Variants in CYP3A43 observed in about 807,000 individuals in gnomAD.
CYP3A43 encodes the protein cytochrome P450 family 3 subfamily A member 43.
CYP3A43 carries 45 observed loss-of-function variants against 58.0 expected under a neutral mutation model. The ratio of observed to expected loss-of-function variants is 0.78; its 90% CI spans 0.61 to 0.99. CYP3A43 has a LOEUF of 0.99. CYP3A43 is among the 50% of genes least tolerant of loss of function. The probability of loss-of-function intolerance (pLI) is 0.00; values close to 1 mark genes in which losing one functional copy is unlikely to be tolerated. For synonymous variants in CYP3A43, 191 were observed against 201.4 expected, an observed-to-expected ratio of 0.95 and a Z score of 0.44; for missense variants, 593 against 591.9, an observed-to-expected ratio of 1.00 and a Z score of -0.02.
rs1462337918 is a variant in CYP3A43 at position 99,828,205 on chromosome 7, A to G, written c.71+19A>G. 15 of 1,571,278 alleles carry G rather than the reference A, an allele frequency of 9.5e-6. No individual in the cohort carries two copies. The highest frequency in any genetic ancestry group is 1.4e-5 in the African/African-American group (1 of 74,034). On this transcript the variant is annotated intron_variant, in intron 1 of 12. Coordinates refer to ENST00000354829, the MANE Select transcript of CYP3A43 (RefSeq NM_057095.3). ...TCTATATGTGAGTAACTATGCAGGC[A>G]TGTTTGCTCTTAACTCTAAGACCTG...
In CYP3A43 at chr7:99,845,005, G is replaced by C. The variant is rs1485698858; in HGVS notation, c.318+763G>C. On this transcript the variant is annotated intron_variant, in intron 4 of 12. Transcript: ENST00000354829. Reference sequence around the variant, plus strand: ...AATCGCTTGAACCCGGGAGGCAGAGGTTGCAGTGAGCCAAGATTGCGCCAT... The same window carrying C: ...AATCGCTTGAACCCGGGAGGCAGAGCTTGCAGTGAGCCAAGATTGCGCCAT... 2.0e-5 allele frequency among the ~76,000 whole-genome samples: 3 copies of C among 150,920 alleles called. No homozygotes were observed. In the East Asian group the frequency reaches 5.9e-4, roughly 30 times the overall value.
At chr7:99,842,694 A>G (rs967460934) in intron 3 of CYP3A43, among the ~76,000 whole-genome samples, 3 of 152,250 alleles carry the variant, frequency 2.0e-5, no homozygotes, top group Non-Finnish European at 4.4e-5. Flanking sequence ...AAACTGAGTC[A>G]TGCAATACTG....
At chr7:99,855,823 G>C in intron 8 of CYP3A43, 105 bp downstream of exon 8, 1 of 1,294,940 alleles carries the variant, frequency 7.7e-7, no homozygotes, top group Non-Finnish European at 1.1e-6. Flanking sequence ...AAGGCAGCTA[G>C]AGAACTTTAG....
At chr7:99,835,854 C>T (rs888179540) in intron 1 of CYP3A43, among the ~76,000 whole-genome samples, 5 of 152,190 alleles carry the variant, frequency 3.3e-5, no homozygotes, top group Non-Finnish European at 7.3e-5. Context: ...GCAAACCTTC[C>T]TCTGGGCATA....
chr7:99,862,015 C>A (rs1005879144), intron 11 of CYP3A43, among the ~76,000 whole-genome samples, 176 bp downstream of exon 11: 1 of 152,174 alleles, frequency 6.6e-6, no homozygotes, highest in Non-Finnish European at 1.5e-5. Context: ...CACCTTATAA[C>A]AACCCTCATT....
At chr7:99,829,681 T>A (rs1339884092) in intron 1 of CYP3A43, among the ~76,000 whole-genome samples, 1 of 152,214 alleles carries the variant, frequency 6.6e-6, no homozygotes, top group Non-Finnish European at 1.5e-5. Flanking sequence ...GAAACTAGTC[T>A]GCTAAATGAT....
At chr7:99,838,800 T>C (rs771981845) in intron 2 of CYP3A43, 13 of 590,394 alleles carry the variant, frequency 2.2e-5, no homozygotes, top group Non-Finnish European at 3.4e-5. Flanking sequence ...GCCAACATGG[T>C]GAAACCCTAT....
rs901500658 is a variant in CYP3A43, at chr7:99,847,939, A to C, written c.433-227A>C. The stretch of plus-strand genomic sequence containing the variant: ...AGGCAGAAGAATTGTTTGAATCTAG[A>C]GGCGGAGGTTGCAATGAGCCAAGAT... On this transcript the variant is annotated intron_variant, in intron 5 of 12. Transcript: ENST00000354829. 3 of 561,748 alleles carry C rather than the reference A, an allele frequency of 5.3e-6. No homozygotes were observed. In the African/African-American group the frequency reaches 5.7e-5, roughly 11 times the overall value. The allele number at this position is 561,748 out of a possible 1,614,324, so 34.8% of individuals were successfully genotyped here. A position where few individuals can be genotyped will look rare whatever the true frequency, so the allele number is the denominator to read the frequency against.
rs767831799 is a variant in CYP3A43 at position 99,863,646 on chromosome 7, G to A, written c.1363G>A (p.Ala455Thr). The A allele has an allele frequency of 9.3e-6, 15 of 1,613,800 alleles. No individual in the cohort carries two copies. The South Asian group carries it at 1.6e-4, about 18-fold the overall frequency. The change falls in exon 12 of 13, where the codon GCT becomes ACT. Residue 455 changes from alanine to threonine, a missense_variant. By Grantham distance (58) the Ala-to-Thr change is moderately conservative (BLOSUM62 0). Coordinates refer to ENST00000354829, the MANE Select transcript of CYP3A43 (RefSeq NM_057095.3). ...GTTTGCTCTCACAAACATAAAACTT[G>A]CTGTCATTAGAGCACTGCAGAACTT... Reference protein sequence around the residue: ...MRFALTNIKLAVIRALQNFSF... With the variant: ...MRFALTNIKLTVIRALQNFSF...
chr7:99,855,374 A>G (rs1471498598), intron 7 of CYP3A43: 3 of 481,868 alleles, frequency 6.2e-6, no homozygotes, highest in East Asian at 3.9e-5. Flanking sequence ...TCTCACTGCT[A>G]TAGTGGAGGC....
intron 2 of CYP3A43, among the ~76,000 whole-genome samples, chr7:99,837,140 C>T (rs1340065243): frequency 8.3e-6 from 1 of 121,010 alleles, no homozygotes; most frequent in Non-Finnish European, 1.6e-5. Flanking sequence ...CCTGTCTCTA[C>T]TAAAAATACA....
intron 12 of CYP3A43, among the ~76,000 whole-genome samples, chr7:99,865,148 G>A (rs1368728347): frequency 2.7e-5 from 4 of 148,366 alleles, no homozygotes; most frequent in East Asian, 1.9e-4. Context: ...ATGGGATGGG[G>A]TGATACTCCC....
intron 7 of CYP3A43, among the ~76,000 whole-genome samples, chr7:99,855,025 G>A (rs1437749856): frequency 6.6e-6 from 1 of 151,044 alleles, no homozygotes; most frequent in African/African-American, 2.5e-5. Context: ...TGGGACTACA[G>A]GCACATGCCA....
At chr7:99,850,903 T>C (rs1584225545) in intron 7 of CYP3A43, among the ~76,000 whole-genome samples, 1 of 152,330 alleles carries the variant, frequency 6.6e-6, no homozygotes, top group East Asian at 1.9e-4. Context: ...GTGTAGTGGC[T>C]CATGCCTGTA....
At chr7:99,852,612 G>A (rs550149009) in intron 7 of CYP3A43, among the ~76,000 whole-genome samples, 2 of 152,216 alleles carry the variant, frequency 1.3e-5, no homozygotes, top group East Asian at 3.9e-4. Flanking sequence ...GTAACGTACA[G>A]AAATACAGTT....
intron 7 of CYP3A43, 157 bp from the exon 8 acceptor site, chr7:99,855,429 GGGGCA>G: frequency 1.1e-6 from 1 of 892,344 alleles, no homozygotes; most frequent in South Asian, 1.9e-5. Flanking sequence ...GCATGGAAGA[GGGGCA>G]AAGGTCATAC....
chr7:99,836,195 C>T (rs1284073742), intron 1 of CYP3A43, among the ~76,000 whole-genome samples: 2 of 152,200 alleles, frequency 1.3e-5, no homozygotes, highest in African/African-American at 4.8e-5. Flanking sequence ...AAGTGAGGCT[C>T]AGTCCTTTGG....
At chr7:99,849,488 T>C (rs1158461777) in intron 6 of CYP3A43, 58 bp from the exon 7 acceptor site, 25 of 1,547,428 alleles carry the variant, frequency 1.6e-5, no homozygotes, top group Admixed American at 6.4e-5. Context: ...GCTGTGTGTA[T>C]AGCAGAAGGA....
Position 99,848,203 on chromosome 7 carries a change from T to C in CYP3A43, c.470T>C (p.Val157Ala). ...PIISQCGDMLVRSLRQEAENS... is the reference protein window; with the variant it reads ...PIISQCGDMLARSLRQEAENS... The stretch of plus-strand genomic sequence containing the variant: ...ATTTCCCAATGTGGAGATATGTTGG[T>C]GAGAAGCCTGAGGCAGGAAGCAGAG... Residue 157 changes from valine (V) to alanine (A), a missense_variant, in exon 6 of 13, where the codon GTG (valine) becomes GCG (alanine). Coordinates refer to ENST00000354829, the MANE Select transcript of CYP3A43 (RefSeq NM_057095.3). The C allele has an allele frequency of 6.2e-7, 1 of 1,614,116 alleles. No individual in the cohort carries two copies. Among genetic ancestry groups the C allele is most frequent in the South Asian group, 1.1e-5 (1 of 91,072 alleles).
Sources: allele counts gnomAD v4.1 joint callset (sites outside exome capture counted in the v4.1 genomes callset), GRCh38; gene constraint gnomAD v4.1.1; transcripts MANE v1.5; gene names NCBI Gene and HGNC (gene_info 2026-07-23, HGNC 2026-07-21).